ZBTB20: variants seen among roughly 807,000 people sequenced by gnomAD.
ZBTB20 encodes zinc finger and BTB domain containing 20, also known as zinc finger and BTB domain-containing protein 20.
ZBTB20 carries 9 observed loss-of-function variants against 56.9 expected under a neutral mutation model. That is an observed-to-expected ratio of 0.16 (90% confidence interval 0.10 to 0.28). The LOEUF is 0.28. Among genes scored for constraint, ZBTB20 ranks in the 10% least tolerant of loss-of-function variants. The pLI is 1.00. For synonymous variants in ZBTB20, 417 were observed against 420.7 expected (o/e 0.99, Z 0.11); for missense variants, 655 against 1,003.0 (o/e 0.65, Z 4.69).
chr3:114,485,774 G>T lies in ZBTB20; in HGVS notation c.-255+14578C>A, dbSNP rs112710143. On this transcript the variant is annotated intron_variant, in intron 7 of 11. Coordinates refer to ENST00000675478, the MANE Select transcript of ZBTB20 (RefSeq NM_001348800.3). Reference sequence around the variant, plus strand: ...TTTCCTCTTCCACCCTTTGCCATATGAAGATACAGCAAGAGGTGCGATCTT... The same window carrying T: ...TTTCCTCTTCCACCCTTTGCCATATTAAGATACAGCAAGAGGTGCGATCTT... Among the ~76,000 whole-genome samples, 19 of 152,224 alleles carry T rather than the reference G, an allele frequency of 1.2e-4. 1 individual carries two copies. The highest frequency in any genetic ancestry group is 4.6e-4 in the African/African-American group (19 of 41,526).
intron 5 of ZBTB20, among the ~76,000 whole-genome samples, chr3:114,726,725 A>C (rs532432064): frequency 1.3e-5 from 2 of 150,948 alleles, no homozygotes; most frequent in South Asian, 2.1e-4. Flanking sequence ...ATCCTGGCTA[A>C]CATGGTGAAA....
intron 6 of ZBTB20, among the ~76,000 whole-genome samples, chr3:114,521,031 G>A (rs933583589): frequency 1.3e-5 from 2 of 151,932 alleles, no homozygotes; most frequent in Non-Finnish European, 2.9e-5. Context: ...CAGTTAATTG[G>A]GTTTTGAACT....
intron 2 of ZBTB20, among the ~76,000 whole-genome samples, chr3:115,003,338 C>T (rs892418365): frequency 3.0e-4 from 45 of 151,346 alleles, no homozygotes; most frequent in African/African-American, 1.0e-3. Context: ...AATGTACCAC[C>T]ATAGTTAATA....
At chr3:114,439,212 TC>T (rs2090744801) in intron 7 of ZBTB20, among the ~76,000 whole-genome samples, 1 of 151,944 alleles carries the variant, frequency 6.6e-6, no homozygotes, top group African/African-American at 2.4e-5. Context: ...CAAGCAGAAG[TC>T]ACTAAAAAGA....
intron 1 of ZBTB20, among the ~76,000 whole-genome samples, chr3:115,103,789 A>C (rs2083647838): frequency 6.6e-6 from 1 of 152,240 alleles, no homozygotes; most frequent in South Asian, 2.1e-4. Flanking sequence ...TGGGTTTCAC[A>C]ATGACTATTT....
intron 1 of ZBTB20, among the ~76,000 whole-genome samples, chr3:115,082,649 G>C (rs989909787): frequency 2.6e-5 from 4 of 151,912 alleles, no homozygotes; most frequent in Non-Finnish European, 5.9e-5. Flanking sequence ...AAAACAAGTT[G>C]GGAGGACAAA....
At chr3:115,031,069 A>G (rs2080655304) in intron 2 of ZBTB20, among the ~76,000 whole-genome samples, 1 of 151,444 alleles carries the variant, frequency 6.6e-6, no homozygotes. Context: ...CAATTTCCTC[A>G]TTACCCATCA....
intron 6 of ZBTB20, among the ~76,000 whole-genome samples, chr3:114,506,839 G>C (rs566327407): frequency 6.6e-6 from 1 of 152,258 alleles, no homozygotes; most frequent in South Asian, 2.1e-4. Context: ...TCCCACTGCT[G>C]CTTCTTTATA....
intron 6 of ZBTB20, among the ~76,000 whole-genome samples, chr3:114,500,829 C>T (rs1407109044): frequency 6.6e-6 from 1 of 152,074 alleles, no homozygotes; most frequent in Non-Finnish European, 1.5e-5. Flanking sequence ...TGCTCAATAC[C>T]CACATGTGGC....
At chr3:114,561,644 A>G (rs1210416629) in intron 6 of ZBTB20, among the ~76,000 whole-genome samples, 1 of 152,068 alleles carries the variant, frequency 6.6e-6, no homozygotes, top group African/African-American at 2.4e-5. Context: ...ATCATGCTAT[A>G]AACAGATATG....
chr3:114,607,836 T>C (rs2057284481), intron 6 of ZBTB20, among the ~76,000 whole-genome samples: 1 of 152,198 alleles, frequency 6.6e-6, no homozygotes, highest in South Asian at 2.1e-4. Flanking sequence ...TGAACATACA[T>C]TCTCATGAAG....
At chr3:114,917,539 T>C (rs1454134834) in intron 3 of ZBTB20, among the ~76,000 whole-genome samples, 1 of 152,152 alleles carries the variant, frequency 6.6e-6, no homozygotes, top group Non-Finnish European at 1.5e-5. Context: ...GGGACTTGTT[T>C]ATTGTGACTA....
intron 2 of ZBTB20, among the ~76,000 whole-genome samples, chr3:115,048,777 A>G (rs1209758156): frequency 6.6e-6 from 1 of 152,148 alleles, no homozygotes; most frequent in Non-Finnish European, 1.5e-5. Flanking sequence ...TTAAATTGTT[A>G]TTTACATTTA....
intron 3 of ZBTB20, among the ~76,000 whole-genome samples, chr3:114,968,940 C>T (rs940354847): frequency 6.6e-6 from 1 of 152,116 alleles, no homozygotes; most frequent in East Asian, 1.9e-4. Flanking sequence ...GGCCTCTCCA[C>T]AATTTTTAAT....
At chr3:114,762,188 T>A (rs928609023) in intron 5 of ZBTB20, among the ~76,000 whole-genome samples, 3 of 152,146 alleles carry the variant, frequency 2.0e-5, no homozygotes, top group Admixed American at 6.5e-5. Context: ...ATAGAAAAAA[T>A]TCTTGTTTTT....
chr3:114,867,569 A>G (rs2075818564), intron 4 of ZBTB20, among the ~76,000 whole-genome samples: 1 of 151,982 alleles, frequency 6.6e-6, no homozygotes, highest in Non-Finnish European at 1.5e-5. Context: ...CTGAGTAGCC[A>G]GGGTTACAGA....
chr3:114,608,542 C>A (rs1432939432), intron 6 of ZBTB20, among the ~76,000 whole-genome samples: 2 of 152,152 alleles, frequency 1.3e-5, no homozygotes, highest in African/African-American at 2.4e-5. Flanking sequence ...AATGAATCAT[C>A]CCATTTTAAT....
At position 114,726,679 on chromosome 3, in the gene ZBTB20, A is replaced by G. The variant is rs528587204; in HGVS notation, c.-342-33104T>C. 8.5e-5 allele frequency among the ~76,000 whole-genome samples: 13 copies of G among 152,106 alleles called. No individual in the cohort carries two copies. In the South Asian group the frequency reaches 1.9e-3, roughly 22 times the overall value. ...TGTAATCCCAGCACTTTGGGAGGCC[A>G]AGGTGGGCGGATCACGAGGTCAGGA... On this transcript the variant is annotated intron_variant, in intron 5 of 11. Transcript: ENST00000675478.
chr3:114,339,463 C>CGA lies in ZBTB20; in HGVS notation c.1805-39_1805-38dup, dbSNP rs749044078. On this transcript the variant is annotated intron_variant, in intron 11 of 11. Coordinates refer to ENST00000675478, the MANE Select transcript of ZBTB20 (RefSeq NM_001348800.3). The surrounding 1 kb of genome is among the most constrained non-coding windows in gnomAD (Gnocchi z 4.2). ...GGAAGAGACAGCAAGCAGGACAGAGCGAGACATAGCAAGGGATAGAGAATG... is the reference window on the plus strand; with the variant it reads ...GGAAGAGACAGCAAGCAGGACAGAGCGAGAGACATAGCAAGGGATAGAGAATG... The CGA allele has an allele frequency of 6.3e-7, 1 of 1,584,910 alleles. No homozygotes were observed.
Sources: allele counts gnomAD v4.1 joint callset (sites outside exome capture counted in the v4.1 genomes callset), GRCh38; gene constraint gnomAD v4.1.1; non-coding constraint Gnocchi (gnomAD v3.1); transcripts MANE v1.5; gene names NCBI Gene and HGNC (gene_info 2026-07-23, HGNC 2026-07-21).